Variants in FUT9 observed in about 807,000 individuals in gnomAD.
The protein encoded by FUT9 is fucosyltransferase 9.
FUT9 carries 15 observed loss-of-function variants against 29.7 expected under a neutral mutation model. The observed-to-expected ratio is 0.51, with a 90% CI of 0.34 to 0.78. The LOEUF is 0.78. Among genes scored for constraint, FUT9 ranks in the 30% least tolerant of loss-of-function variants. FUT9 has a pLI of 0.01. For synonymous variants in FUT9, 169 were observed against 153.7 expected (o/e 1.10, Z -0.74); for missense variants, 319 against 425.4 (o/e 0.75, Z 2.20).
At position 96,134,582 on chromosome 6, in the gene FUT9, T is replaced by C. The variant is rs76357656; in HGVS notation, c.-9+20455T>C. Among the ~76,000 whole-genome samples, 235 of 152,090 alleles carry C rather than the reference T, an allele frequency of 1.5e-3. 5 individuals carry two copies. In the South Asian group the frequency reaches 0.016, roughly 10 times the overall value. ...AAAGTAATCACCAATTACTGAATGC[T>C]ATTTGACAATTATAGTGTTAAAATT... On this transcript the variant is annotated intron_variant, in intron 2 of 2. Transcript: ENST00000302103.
At chr6:96,201,054 T>C (rs1280486011) in intron 2 of FUT9, among the ~76,000 whole-genome samples, 8 of 152,030 alleles carry the variant, frequency 5.3e-5, no homozygotes, top group Non-Finnish European at 1.0e-4. Flanking sequence ...GCTTCTTTCT[T>C]AATTTTTGTA....
At chr6:96,123,540 G>A (rs1772072984) in intron 2 of FUT9, among the ~76,000 whole-genome samples, 1 of 152,164 alleles carries the variant, frequency 6.6e-6, no homozygotes, top group Admixed American at 6.5e-5. Context: ...TGTGTTCTTT[G>A]AAGTGAGTCT....
At chr6:96,130,292 T>A (rs140023094) in intron 2 of FUT9, among the ~76,000 whole-genome samples, 1 of 152,268 alleles carries the variant, frequency 6.6e-6, no homozygotes, top group East Asian at 1.9e-4. Context: ...TGTAATTTTA[T>A]AAATATTATA....
At chr6:96,114,306 T>A (rs551553343) in intron 2 of FUT9, among the ~76,000 whole-genome samples, 179 bp downstream of exon 2, 1 of 152,150 alleles carries the variant, frequency 6.6e-6, no homozygotes, top group Non-Finnish European at 1.5e-5. Context: ...GTTTTAACAT[T>A]CTATCAAAGT....
chr6:96,112,314 A>G (rs928461416), intron 1 of FUT9, among the ~76,000 whole-genome samples: 3 of 152,208 alleles, frequency 2.0e-5, no homozygotes, highest in South Asian at 2.1e-4. Context: ...AAAACACTAA[A>G]CAAATGTTAC....
intron 1 of FUT9, among the ~76,000 whole-genome samples, chr6:96,064,159 G>T (rs9377342): frequency 2.0e-5 from 3 of 152,112 alleles, no homozygotes; most frequent in Non-Finnish European, 4.4e-5. Context: ...TAGTGGATAA[G>T]TTGCTTGTTC....
chr6:96,037,628 C>T (rs578153060), intron 1 of FUT9, among the ~76,000 whole-genome samples: 2 of 151,784 alleles, frequency 1.3e-5, no homozygotes, highest in Admixed American at 6.6e-5. Context: ...TGAGACTAAT[C>T]TTTTTCTGGA....
At chr6:96,026,322 T>C (rs1467793522) in intron 1 of FUT9, among the ~76,000 whole-genome samples, 4 of 151,666 alleles carry the variant, frequency 2.6e-5, no homozygotes, top group African/African-American at 9.7e-5. Flanking sequence ...TGATGAACCT[T>C]TCACTAAGAT....
intron 1 of FUT9, among the ~76,000 whole-genome samples, chr6:96,024,029 G>A (rs144170604): frequency 6.6e-5 from 10 of 151,848 alleles, no homozygotes; most frequent in Middle Eastern, 3.4e-3. Flanking sequence ...CTATACAATC[G>A]GATATAGAAA....
intron 2 of FUT9, among the ~76,000 whole-genome samples, chr6:96,134,787 G>A (rs575756554): frequency 5.9e-5 from 9 of 152,022 alleles, no homozygotes; most frequent in African/African-American, 1.9e-4. Flanking sequence ...CAAAACTCAT[G>A]TGTATAACCA....
intron 1 of FUT9, among the ~76,000 whole-genome samples, chr6:96,066,591 T>G (rs1393684335): frequency 6.6e-6 from 1 of 152,080 alleles, no homozygotes; most frequent in Non-Finnish European, 1.5e-5. Flanking sequence ...TCTTCCACAT[T>G]CCAACCATGA....
chr6:96,116,603 T>C (rs950676373), intron 2 of FUT9, among the ~76,000 whole-genome samples: 2 of 152,214 alleles, frequency 1.3e-5, no homozygotes, highest in African/African-American at 4.8e-5. Flanking sequence ...TATTCAAATA[T>C]TTTTAAAAGG....
At chr6:96,193,306 G>A in intron 2 of FUT9, among the ~76,000 whole-genome samples, 1 of 138,230 alleles carries the variant, frequency 7.2e-6, no homozygotes, top group Non-Finnish European at 1.6e-5. Flanking sequence ...CTACTCATCT[G>A]ACAAAGGGCT....
intron 1 of FUT9, among the ~76,000 whole-genome samples, chr6:96,069,566 T>C (rs900019175): frequency 2.6e-5 from 4 of 152,132 alleles, no homozygotes; most frequent in Non-Finnish European, 5.9e-5. Flanking sequence ...TTTGGTAAGA[T>C]AATTTCAAGG....
At chr6:96,191,325 GA>G in intron 2 of FUT9, among the ~76,000 whole-genome samples, 1 of 152,188 alleles carries the variant, frequency 6.6e-6, no homozygotes, top group Non-Finnish European at 1.5e-5. Context: ...AAAATTGATA[GA>G]CCACTAGCAA....
At chr6:96,171,958 C>G (rs1189295743) in intron 2 of FUT9, among the ~76,000 whole-genome samples, 1 of 152,160 alleles carries the variant, frequency 6.6e-6, no homozygotes, top group Non-Finnish European at 1.5e-5. Context: ...TGTATTTCCT[C>G]CAAACATCAG....
At chr6:96,063,399 A>C (rs1159010447) in intron 1 of FUT9, among the ~76,000 whole-genome samples, 1 of 152,118 alleles carries the variant, frequency 6.6e-6, no homozygotes, top group Non-Finnish European at 1.5e-5. Flanking sequence ...CACATGGCAA[A>C]AGCAGGAACA....
intron 2 of FUT9, among the ~76,000 whole-genome samples, chr6:96,181,445 A>T (rs113668272): frequency 2.0e-5 from 3 of 150,624 alleles, no homozygotes; most frequent in African/African-American, 7.3e-5. Context: ...TTCTTTTTTA[A>T]TTTTTTTTTC....
Position 96,214,584 on chromosome 6 carries a change from T to A in FUT9, c.*10349T>A. ...TTATTCCATTTAATGAAGGGTTTGT[T>A]TTGTTTAGCTTTTCTCTTTTATTCA... On this transcript the variant is annotated 3_prime_UTR_variant, in exon 3 of 3. Coordinates refer to ENST00000302103, the MANE Select transcript of FUT9 (RefSeq NM_006581.4). 1 of 167,000 alleles carries A rather than the reference T, an allele frequency of 6.0e-6. No individual in the cohort carries two copies. 10.3% of individuals were successfully genotyped at this position (167,000 alleles called of 1,614,324 possible).
Sources: gnomAD v4.1 joint callset for allele counts (sites outside exome capture counted in the v4.1 genomes callset) on GRCh38, gnomAD v4.1.1 for gene constraint, MANE v1.5 for transcripts, NCBI Gene and HGNC (gene_info 2026-07-23, HGNC 2026-07-21) for gene names.